MKX: variants seen among roughly 807,000 people sequenced by gnomAD.
MKX encodes homeobox protein Mohawk.
Under a neutral mutation model 36.0 loss-of-function variants are expected in MKX, and 13 were observed. The ratio of observed to expected loss-of-function variants is 0.36; its 90% CI spans 0.24 to 0.57. MKX has a LOEUF of 0.57. Ranked by LOEUF, MKX falls within the 20% of genes least tolerant of loss-of-function variation. MKX has a pLI of 0.79. For synonymous variants in MKX, 176 were observed against 178.3 expected (o/e 0.99, Z 0.10); for missense variants, 458 against 456.4 (o/e 1.00, Z -0.03).
intron 5 of MKX, among the ~76,000 whole-genome samples, chr10:27,714,770 AG>A (rs1836934320): frequency 6.6e-6 from 1 of 152,254 alleles, no homozygotes; most frequent in Non-Finnish European, 1.5e-5. Context: ...ATTTATGGCA[AG>A]ATTAGTTTAA....
intron 5 of MKX, among the ~76,000 whole-genome samples, chr10:27,707,486 G>A (rs1220555005): frequency 6.6e-6 from 1 of 152,180 alleles, no homozygotes; most frequent in African/African-American, 2.4e-5. Flanking sequence ...ATCTCTTAAA[G>A]AAATCAGGTC....
intron 5 of MKX, among the ~76,000 whole-genome samples, chr10:27,712,813 T>C (rs568561067): frequency 6.6e-6 from 1 of 152,094 alleles, no homozygotes; most frequent in Non-Finnish European, 1.5e-5. Context: ...GGTGAGTGCC[T>C]GTGGTCCTAG....
chr10:27,720,754 A>T (rs941496300), intron 5 of MKX, among the ~76,000 whole-genome samples: 3 of 152,174 alleles, frequency 2.0e-5, no homozygotes, highest in Non-Finnish European at 2.9e-5. Flanking sequence ...CTGTGAGTCA[A>T]TGATGTTTTG....
At position 27,702,016 on chromosome 10, in the gene MKX, G is replaced by A. The variant is rs189796140; in HGVS notation, c.839-26462C>T. Among the ~76,000 whole-genome samples, 215 of 152,170 alleles carry A rather than the reference G, an allele frequency of 1.4e-3. 1 individual carries two copies. The highest frequency in any genetic ancestry group is 4.9e-3 in the African/African-American group (205 of 41,520). ...CCTCCTCCTACCAATCTCCAGGAGAGAATACATTAAGACCTCATTAGCTTT... is the reference window on the plus strand; with the variant it reads ...CCTCCTCCTACCAATCTCCAGGAGAAAATACATTAAGACCTCATTAGCTTT... On this transcript the variant is annotated intron_variant, in intron 5 of 6. Transcript: ENST00000419761.
At chr10:27,723,305 G>C (rs1834419853) in intron 5 of MKX, among the ~76,000 whole-genome samples, 1 of 152,068 alleles carries the variant, frequency 6.6e-6, no homozygotes, top group Non-Finnish European at 1.5e-5. Flanking sequence ...AATGAACCCA[G>C]GAGACACCGT....
At chr10:27,716,436 C>CAAAAAAAAAAAAAAAAA (rs56913373) in intron 5 of MKX, among the ~76,000 whole-genome samples, 1 of 127,674 alleles carries the variant, frequency 7.8e-6, no homozygotes, top group African/African-American at 3.0e-5. Context: ...AAAAAAAAAG[C>CAAAAAAAAAAAAAAAAA]AAAAAAAAAA....
intron 5 of MKX, among the ~76,000 whole-genome samples, chr10:27,730,677 C>T (rs1443080639): frequency 1.3e-5 from 2 of 151,584 alleles, no homozygotes; most frequent in Non-Finnish European, 2.9e-5. Flanking sequence ...AGGCTGGTCT[C>T]GAACTCCTAA....
At chr10:27,677,249 A>G (rs1836169610) in intron 5 of MKX, among the ~76,000 whole-genome samples, 1 of 152,176 alleles carries the variant, frequency 6.6e-6, no homozygotes, top group Non-Finnish European at 1.5e-5. Context: ...TGCTAGTTCT[A>G]CGGCCTTTGC....
chr10:27,697,235 G>A (rs1043733849), intron 5 of MKX, among the ~76,000 whole-genome samples: 7 of 152,094 alleles, frequency 4.6e-5, no homozygotes, highest in South Asian at 2.1e-4. Context: ...ACTTAGATAG[G>A]GAATGTGTAA....
At chr10:27,678,630 C>T (rs1030674429) in intron 5 of MKX, among the ~76,000 whole-genome samples, 9 of 152,050 alleles carry the variant, frequency 5.9e-5, no homozygotes, top group African/African-American at 1.2e-4. Flanking sequence ...TTGCAGAACC[C>T]GTCAATGTAT....
intron 5 of MKX, among the ~76,000 whole-genome samples, chr10:27,721,946 C>A (rs1834388524): frequency 6.6e-6 from 1 of 151,964 alleles, no homozygotes; most frequent in African/African-American, 2.4e-5. Context: ...TGTGTTGGGA[C>A]AATTGGCTGT....
intron 5 of MKX, among the ~76,000 whole-genome samples, chr10:27,721,085 C>A (rs955658195): frequency 1.3e-5 from 2 of 152,176 alleles, no homozygotes; most frequent in African/African-American, 4.8e-5. Context: ...AGAAATCTGC[C>A]ATGCCCTCAG....
chr10:27,711,244 A>G (rs1836845242), intron 5 of MKX, among the ~76,000 whole-genome samples: 1 of 152,228 alleles, frequency 6.6e-6, no homozygotes, highest in South Asian at 2.1e-4. Context: ...TGCATCTCTC[A>G]GAATAACATA....
intron 5 of MKX, among the ~76,000 whole-genome samples, chr10:27,678,736 C>T (rs1385678539): frequency 6.6e-6 from 1 of 152,174 alleles, no homozygotes; most frequent in African/African-American, 2.4e-5. Flanking sequence ...GAGGAGTCAA[C>T]TTGTATGTCT....
chr10:27,717,824 A>G (rs1836992673), intron 5 of MKX, among the ~76,000 whole-genome samples: 1 of 152,248 alleles, frequency 6.6e-6, no homozygotes, highest in African/African-American at 2.4e-5. Context: ...CCAGAGAACT[A>G]GCTCTATAAT....
chr10:27,724,913 A>G (rs1273354624), intron 5 of MKX, among the ~76,000 whole-genome samples: 2 of 152,278 alleles, frequency 1.3e-5, no homozygotes, highest in Non-Finnish European at 2.9e-5. Context: ...CCCACAATTT[A>G]TAATATCAAC....
intron 5 of MKX, among the ~76,000 whole-genome samples, chr10:27,685,132 C>T (rs1427381023): frequency 6.6e-6 from 1 of 152,042 alleles, no homozygotes; most frequent in East Asian, 1.9e-4. Context: ...GTCCCCTGGC[C>T]CTGGCCCTGA....
At chr10:27,694,552 C>T (rs551697522) in intron 5 of MKX, among the ~76,000 whole-genome samples, 64 of 118,394 alleles carry the variant, frequency 5.4e-4, no homozygotes, top group South Asian at 3.6e-3. Context: ...ATAAATTAGC[C>T]GAGTGTGTGG....
chr10:27,733,013 G>A (rs12769544), intron 5 of MKX, among the ~76,000 whole-genome samples: 193 of 152,102 alleles, frequency 1.3e-3, no homozygotes, highest in Non-Finnish European at 2.3e-3. Flanking sequence ...GCCTCCCAAA[G>A]TGTTGGGATT....
Sources: allele counts gnomAD v4.1 joint callset (sites outside exome capture counted in the v4.1 genomes callset), GRCh38; gene constraint gnomAD v4.1.1; transcripts MANE v1.5; gene names NCBI Gene and HGNC (gene_info 2026-07-23, HGNC 2026-07-21).